CERS3: variants seen among roughly 807,000 people sequenced by gnomAD.
CERS3 encodes the protein ceramide synthase 3, also known as LAG1 homolog, ceramide synthase 3.
A neutral mutation model predicts 50.3 loss-of-function variants in CERS3; 33 were observed. That is an observed-to-expected ratio of 0.66 (90% CI 0.50 to 0.88). The LOEUF is 0.88. Ranked by LOEUF, CERS3 falls within the 40% of genes least tolerant of loss-of-function variation. CERS3 has a pLI of 0.00. For synonymous variants in CERS3, 176 were observed against 155.2 expected, an observed-to-expected ratio of 1.13 and a Z score of -0.99; for missense variants, 470 against 460.3, an observed-to-expected ratio of 1.02 and a Z score of -0.19.
At chr15:100,437,445 C>A in intron 11 of CERS3, among the ~76,000 whole-genome samples, 1 of 152,152 alleles carries the variant, frequency 6.6e-6, no homozygotes, top group Middle Eastern at 3.2e-3. Context: ...AAATGACCAC[C>A]TGGAATGTGA....
chr15:100,469,169 A>G (rs552167509), intron 10 of CERS3, among the ~76,000 whole-genome samples: 3 of 152,166 alleles, frequency 2.0e-5, no homozygotes, highest in Non-Finnish European at 4.4e-5. Flanking sequence ...CACATTTTCC[A>G]TCTCCCGTTG....
intron 5 of CERS3, among the ~76,000 whole-genome samples, chr15:100,480,711 T>TTTTTAC: frequency 6.6e-6 from 1 of 152,348 alleles, no homozygotes. Flanking sequence ...AGTAAAAATC[T>TTTTTAC]TTTATTAAAT....
intron 11 of CERS3, among the ~76,000 whole-genome samples, chr15:100,415,452 C>G (rs903686241): frequency 6.6e-6 from 1 of 152,072 alleles, no homozygotes; most frequent in Non-Finnish European, 1.5e-5. Context: ...GGCATATACC[C>G]AAAGAGATAT....
chr15:100,403,184 C>G (rs1012358916), intron 11 of CERS3, among the ~76,000 whole-genome samples: 1 of 151,840 alleles, frequency 6.6e-6, no homozygotes, highest in Non-Finnish European at 1.5e-5. Flanking sequence ...GGGTAAGATT[C>G]AAAGAATATT....
chr15:100,482,954 C>T (rs1206843355), intron 5 of CERS3, among the ~76,000 whole-genome samples: 3 of 152,160 alleles, frequency 2.0e-5, no homozygotes, highest in Admixed American at 1.3e-4. Flanking sequence ...TAACTTTTAA[C>T]TTAGAATAAA....
At position 100,514,871 on chromosome 15, in the gene CERS3, T is replaced by C. The variant is rs981956236; in HGVS notation, c.-2+6796A>G. ...GGTGGCTTAAACTTTTAAAATATTG[T>C]TATCACTGATTCAACATTAGGAAAA... is the stretch of plus-strand genomic sequence containing the variant. On this transcript the variant is annotated intron_variant, in intron 2 of 11. Transcript: ENST00000679737. Among the ~76,000 whole-genome samples, 11 of 152,356 alleles carry C rather than the reference T, an allele frequency of 7.2e-5. No homozygotes were observed. In the South Asian group the frequency reaches 1.0e-3, roughly 14 times the overall value.
chr15:100,418,661 A>T (rs1245146089), intron 11 of CERS3, among the ~76,000 whole-genome samples: 2 of 131,384 alleles, frequency 1.5e-5, no homozygotes, highest in African/African-American at 5.6e-5. Context: ...CAAGGAAAAA[A>T]TGTTAAGGGC....
chr15:100,543,966 A>G (rs2037268386), intron 1 of CERS3, among the ~76,000 whole-genome samples: 1 of 151,490 alleles, frequency 6.6e-6, no homozygotes. Flanking sequence ...AATAACTGCT[A>G]CCTGGGAAAA....
chr15:100,430,707 T>G (rs1365782119), intron 11 of CERS3, among the ~76,000 whole-genome samples: 9 of 147,620 alleles, frequency 6.1e-5, no homozygotes, highest in Non-Finnish European at 3.0e-5. Flanking sequence ...TAGCTTTCAC[T>G]GTATGAAAAA....
intron 1 of CERS3, among the ~76,000 whole-genome samples, chr15:100,524,774 A>AT (rs2036739154): frequency 6.6e-6 from 1 of 152,204 alleles, no homozygotes; most frequent in Non-Finnish European, 1.5e-5. Flanking sequence ...TGTTTTCAGA[A>AT]TTTTTTGCTT....
intron 10 of CERS3, among the ~76,000 whole-genome samples, chr15:100,466,813 C>CA (rs2034746161): frequency 4.1e-5 from 1 of 24,354 alleles, no homozygotes; most frequent in Admixed American, 6.9e-4. Flanking sequence ...CCCTCCCTCC[C>CA]TCCCTCTCTC....
chr15:100,460,230 T>C (rs2034506173), intron 10 of CERS3, among the ~76,000 whole-genome samples: 1 of 152,204 alleles, frequency 6.6e-6, no homozygotes, highest in South Asian at 2.1e-4. Context: ...GCTTTACTAC[T>C]TAGATACCAT....
At position 100,535,653 on chromosome 15, in the gene CERS3, T is replaced by G. The variant is rs181508368; in HGVS notation, c.-354-6578A>C. ...GAAGTATCCATATGTGCACGGGAAG[T>G]GGGGATATCCCTATGCTCATATGTA... On this transcript the variant is annotated intron_variant, in intron 1 of 12. Transcript: ENST00000284382. 1.7e-4 allele frequency among the ~76,000 whole-genome samples: 25 copies of G among 151,400 alleles called. No homozygotes were observed. The East Asian group carries it at 4.9e-3, about 30-fold the overall frequency.
chr15:100,537,882 A>G (rs141231929), intron 1 of CERS3, among the ~76,000 whole-genome samples: 5,456 of 152,274 alleles, frequency 0.036, 147 homozygotes, highest in South Asian at 0.11. Context: ...TTCATCTGAG[A>G]CAAGGCAAGT....
intron 10 of CERS3, among the ~76,000 whole-genome samples, chr15:100,457,365 T>C (rs1264120143): frequency 6.6e-6 from 1 of 152,222 alleles, no homozygotes; most frequent in Non-Finnish European, 1.5e-5. Context: ...CACATAAACT[T>C]GGCAAACACT....
At chr15:100,440,625 G>T (rs1274036037) in intron 11 of CERS3, among the ~76,000 whole-genome samples, 1 of 152,186 alleles carries the variant, frequency 6.6e-6, no homozygotes, top group Admixed American at 6.5e-5. Context: ...TGCTGTGACT[G>T]GAGGGGGGGA....
chr15:100,475,181 T>C (rs951411797), intron 8 of CERS3, among the ~76,000 whole-genome samples: 4 of 152,324 alleles, frequency 2.6e-5, no homozygotes, highest in Non-Finnish European at 4.4e-5. Flanking sequence ...ACAGCTATCA[T>C]TGAGTTACAT....
At chr15:100,465,448 G>C (rs2034680924) in intron 10 of CERS3, among the ~76,000 whole-genome samples, 2 of 150,568 alleles carry the variant, frequency 1.3e-5, no homozygotes, top group South Asian at 2.1e-4. Context: ...AGTTCATGCT[G>C]GTGGGAAGAC....
chr15:100,424,184 G>C (rs2032660437), intron 11 of CERS3, among the ~76,000 whole-genome samples: 1 of 152,072 alleles, frequency 6.6e-6, no homozygotes, highest in African/African-American at 2.4e-5. Flanking sequence ...CAGGTGATTT[G>C]TCTGCCTTGG....
Sources: allele counts gnomAD v4.1 joint callset (sites outside exome capture counted in the v4.1 genomes callset), GRCh38; gene constraint gnomAD v4.1.1; transcripts MANE v1.5; gene names NCBI Gene and HGNC (gene_info 2026-07-23, HGNC 2026-07-21).